FAM185A: variants seen among roughly 807,000 people sequenced by gnomAD.
FAM185A encodes the protein protein FAM185A.
A neutral mutation model predicts 45.7 loss-of-function variants in FAM185A; 21 were observed. The observed-to-expected ratio is 0.46, with a 90% CI of 0.33 to 0.66. The LOEUF (loss-of-function observed/expected upper bound fraction) is 0.66, where lower values mean the gene tolerates loss of function less well. Among genes scored for constraint, FAM185A ranks in the 30% least tolerant of loss-of-function variants. The pLI is 0.03. For missense variants in FAM185A, 305 were observed against 485.4 expected (o/e 0.63, Z 3.49); for synonymous variants, 117 against 194.0 (o/e 0.60, Z 3.30).
At chr7:102,838,169 C>T in the FAM185A span, among the ~76,000 whole-genome samples, 2,147 of 152,282 alleles carry the variant, frequency 0.014, 118 homozygotes, top group East Asian at 0.16. Context: ...CAAATCCTTC[C>T]ATGAGATGTT....
the FAM185A span, among the ~76,000 whole-genome samples, chr7:102,821,819 G>A: frequency 1.3e-5 from 2 of 152,116 alleles, no homozygotes; most frequent in African/African-American, 4.8e-5. Context: ...AGTCAAGGAA[G>A]GGAAGATGCT....
intron 3 of FAM185A, among the ~76,000 whole-genome samples, 165 bp downstream of exon 3, chr7:102,758,111 C>T (rs569967647): frequency 6.6e-6 from 1 of 152,070 alleles, no homozygotes; most frequent in Non-Finnish European, 1.5e-5. Flanking sequence ...AAATAATATA[C>T]AACTTAAGTT....
chr7:102,845,552 G>C, the FAM185A span, among the ~76,000 whole-genome samples: 2 of 152,202 alleles, frequency 1.3e-5, no homozygotes, highest in African/African-American at 4.8e-5. Context: ...ATTCCTGGCA[G>C]CCAAGTCAGA....
chr7:102,823,845 G>A, the FAM185A span, among the ~76,000 whole-genome samples: 21 of 152,250 alleles, frequency 1.4e-4, no homozygotes, highest in African/African-American at 3.1e-4. Context: ...CTTTGTTTCC[G>A]GAACACGCTC....
At chr7:102,821,678 A>G in the FAM185A span, among the ~76,000 whole-genome samples, 4 of 152,216 alleles carry the variant, frequency 2.6e-5, no homozygotes, top group African/African-American at 9.6e-5. Flanking sequence ...GCCCTCAGTC[A>G]AGAGGCAAAA....
intron 1 of FAM185A, among the ~76,000 whole-genome samples, chr7:102,750,084 G>A (rs1793271941): frequency 6.6e-6 from 1 of 152,248 alleles, no homozygotes; most frequent in African/African-American, 2.4e-5. Flanking sequence ...GGATGTTCCG[G>A]GTATCACCTG....
chr7:102,795,730 A>G (rs1436168543), intron 7 of FAM185A, among the ~76,000 whole-genome samples: 1 of 151,604 alleles, frequency 6.6e-6, no homozygotes, highest in Non-Finnish European at 1.5e-5. Flanking sequence ...ATCATAACTC[A>G]TGGGGCATTG....
chr7:102,753,469 G>C (rs1398604415), intron 2 of FAM185A, among the ~76,000 whole-genome samples: 1 of 151,982 alleles, frequency 6.6e-6, no homozygotes, highest in Non-Finnish European at 1.5e-5. Flanking sequence ...CAGGTGATTT[G>C]TTGTGGGGGC....
intron 7 of FAM185A, among the ~76,000 whole-genome samples, chr7:102,795,295 C>T (rs1796381791): frequency 6.6e-6 from 1 of 152,096 alleles, no homozygotes. Context: ...TATACAGAAC[C>T]TCTCTCTACT....
the FAM185A span, among the ~76,000 whole-genome samples, chr7:102,831,766 A>G: frequency 3.3e-5 from 5 of 151,868 alleles, no homozygotes; most frequent in Non-Finnish European, 5.9e-5. Context: ...TAGTCCATCT[A>G]TTTTCAAGCT....
chr7:102,815,224 A>C, the FAM185A span, among the ~76,000 whole-genome samples: 3 of 152,158 alleles, frequency 2.0e-5, no homozygotes, highest in Admixed American at 6.5e-5. Flanking sequence ...TCCTCTAAAC[A>C]TCTACAGGAA....
chr7:102,818,091 A>G, the FAM185A span, among the ~76,000 whole-genome samples: 1 of 152,254 alleles, frequency 6.6e-6, no homozygotes, highest in Admixed American at 6.5e-5. Context: ...CTTAGCTCAC[A>G]TTTCCTTCTA....
chr7:102,823,852 G>A, the FAM185A span, among the ~76,000 whole-genome samples: 1 of 152,122 alleles, frequency 6.6e-6, no homozygotes. Context: ...TCCGGAACAC[G>A]CTCAGGACCA....
At chr7:102,790,243 C>G (rs1403061840) in intron 7 of FAM185A, among the ~76,000 whole-genome samples, 3 of 152,108 alleles carry the variant, frequency 2.0e-5, no homozygotes, top group African/African-American at 7.2e-5. Context: ...TTTGTTTACA[C>G]CAGCATCACC....
At position 102,789,461 on chromosome 7, in the gene FAM185A, C is replaced by A. The variant is rs543658090; in HGVS notation, c.1066+1992C>A. On this transcript the variant is annotated intron_variant, in intron 7 of 7. Coordinates refer to ENST00000413034, the MANE Select transcript of FAM185A (RefSeq NM_001145268.2). ...TGGTGGCTTACGCCTGTAATCCCAG[C>A]ACTTTGGGAGGCCAAGGCGGGCAGA... Among the ~76,000 whole-genome samples, 7 of 152,314 alleles carry A rather than the reference C, an allele frequency of 4.6e-5. No homozygotes were observed. In the East Asian group the frequency reaches 1.3e-3, roughly 29 times the overall value.
intron 5 of FAM185A, among the ~76,000 whole-genome samples, chr7:102,776,104 A>ACACACACACACACATATACACACT (rs1485366489): frequency 8.4e-6 from 1 of 119,740 alleles, no homozygotes; most frequent in Admixed American, 7.5e-5. Flanking sequence ...TCCTATACAC[A>ACACACACACACACATATACACACT]CACACACACA....
At chr7:102,826,908 A>G in the FAM185A span, among the ~76,000 whole-genome samples, 1 of 149,266 alleles carries the variant, frequency 6.7e-6, no homozygotes, top group South Asian at 2.1e-4. Flanking sequence ...ATATTATGTT[A>G]TATTATGCTA....
Position 102,751,812 on chromosome 7 carries a change from T to G in FAM185A, c.561+11T>G, listed in dbSNP as rs774356181. 5.4e-6 allele frequency: 8 copies of G among 1,482,776 alleles called. No homozygotes were observed. The highest frequency in any genetic ancestry group is 5.4e-6 in the Non-Finnish European group (6 of 1,113,490). 91.9% of individuals were successfully genotyped at this position (1,482,776 alleles called of 1,614,324 possible). Reference sequence around the variant, plus strand: ...TTGCAGTCTGTTAAGGTATAGCATTTTTCTAATTTTATTTCACTATTATTT... The same window carrying G: ...TTGCAGTCTGTTAAGGTATAGCATTGTTCTAATTTTATTTCACTATTATTT... On this transcript the variant is annotated intron_variant, in intron 2 of 7. Transcript: ENST00000413034.
At chr7:102,841,439 T>C in the FAM185A span, among the ~76,000 whole-genome samples, 2 of 152,190 alleles carry the variant, frequency 1.3e-5, no homozygotes, top group Admixed American at 6.5e-5. Flanking sequence ...AGTTCAGCAG[T>C]GCTTCAGTTG....
Sources: allele counts gnomAD v4.1 joint callset (sites outside exome capture counted in the v4.1 genomes callset), GRCh38; gene constraint gnomAD v4.1.1; transcripts MANE v1.5; gene names NCBI Gene and HGNC (gene_info 2026-07-23, HGNC 2026-07-21).